Variants in SHC3 observed in about 807,000 individuals in gnomAD.
SHC3 encodes SHC-transforming protein 3.
A neutral mutation model predicts 60.4 loss-of-function variants in SHC3; 15 were observed. The ratio of observed to expected loss-of-function variants is 0.25; its 90% CI spans 0.17 to 0.38. The LOEUF is 0.38. SHC3 is among the 10% of genes least tolerant of loss of function. SHC3 has a pLI of 1.00. For synonymous variants in SHC3, 294 were observed against 325.9 expected (o/e 0.90, Z 1.05); for missense variants, 677 against 786.1 (o/e 0.86, Z 1.66).
intron 2 of SHC3, among the ~76,000 whole-genome samples, chr9:89,097,017 A>C (rs1199140786): frequency 3.3e-5 from 5 of 150,240 alleles, no homozygotes; most frequent in Non-Finnish European, 5.9e-5. Context: ...CGCTGCAGAC[A>C]CCAGGTCAGG....
chr9:89,156,630 C>T (rs1826627553), intron 1 of SHC3, among the ~76,000 whole-genome samples: 1 of 152,130 alleles, frequency 6.6e-6, no homozygotes. Flanking sequence ...CCTGTAAAAA[C>T]CAAAGACAAC....
intron 6 of SHC3, among the ~76,000 whole-genome samples, chr9:89,054,750 T>G (rs1164393395): frequency 1.3e-5 from 2 of 152,228 alleles, no homozygotes; most frequent in Non-Finnish European, 1.5e-5. Context: ...CATAGCTCAA[T>G]GTAAACAAGG....
intron 11 of SHC3, among the ~76,000 whole-genome samples, chr9:89,022,202 A>G (rs1224732418): frequency 6.6e-6 from 1 of 151,980 alleles, no homozygotes; most frequent in Non-Finnish European, 1.5e-5. Context: ...AGCCTCGGGC[A>G]CTATTTAAAC....
At chr9:89,153,673 G>A (rs1045203446) in intron 1 of SHC3, among the ~76,000 whole-genome samples, 1 of 152,232 alleles carries the variant, frequency 6.6e-6, no homozygotes, top group Non-Finnish European at 1.5e-5. Context: ...CAAGAACGGT[G>A]CCACGACATC....
At chr9:89,068,240 G>C (rs1211577959) in intron 5 of SHC3, among the ~76,000 whole-genome samples, 1 of 152,170 alleles carries the variant, frequency 6.6e-6, no homozygotes, top group African/African-American at 2.4e-5. Flanking sequence ...TGGCATTTTT[G>C]TGGTGGTCTT....
At position 89,101,505 on chromosome 9, in the gene SHC3, G is replaced by T. The variant is rs557375443; in HGVS notation, c.545+11051C>A. Among the ~76,000 whole-genome samples, 8 of 152,058 alleles carry T rather than the reference G, an allele frequency of 5.3e-5. No individual in the cohort carries two copies. The South Asian group carries it at 1.7e-3, about 32-fold the overall frequency. ...ATTTTTAGTGGATGCCCTGTTATCA[G>T]ATTGAGGAACTTTCCTTCTATTCCT... On this transcript the variant is annotated intron_variant, in intron 2 of 11. Coordinates refer to ENST00000375835, the MANE Select transcript of SHC3 (RefSeq NM_016848.6).
chr9:89,031,475 C>G (rs1824491462), intron 11 of SHC3, among the ~76,000 whole-genome samples: 1 of 152,200 alleles, frequency 6.6e-6, no homozygotes, highest in African/African-American at 2.4e-5. Context: ...CTGAACTTTA[C>G]TATGAATAGA....
At chr9:89,074,589 C>G (rs986580595) in intron 4 of SHC3, among the ~76,000 whole-genome samples, 1 of 151,158 alleles carries the variant, frequency 6.6e-6, no homozygotes, top group African/African-American at 2.4e-5. Flanking sequence ...TCAGTCAGCT[C>G]CAAATTCATT....
chr9:89,142,286 G>A (rs978149441), intron 1 of SHC3, among the ~76,000 whole-genome samples: 19 of 152,148 alleles, frequency 1.2e-4, no homozygotes, highest in Admixed American at 1.2e-3. Context: ...AAGGCTGGGT[G>A]CGATGGCTTG....
rs564302926 is a variant in SHC3, at chr9:89,053,322, C to T, written c.836-1159G>A. Among the ~76,000 whole-genome samples the T allele has an allele frequency of 2.0e-5, 3 of 152,318 alleles. No individual in the cohort carries two copies. In the East Asian group the frequency reaches 5.8e-4, roughly 29 times the overall value. ...TGCATTTCTTCATGAGTTGTTGTTC[C>T]CCAGCCCTGGCAGTGATTAGGGAGA... On this transcript the variant is annotated intron_variant, in intron 6 of 11. Coordinates refer to ENST00000375835, the MANE Select transcript of SHC3 (RefSeq NM_016848.6).
At chr9:89,115,214 C>T (rs77316326) in intron 1 of SHC3, among the ~76,000 whole-genome samples, 2,032 of 152,210 alleles carry the variant, frequency 0.013, 20 homozygotes, top group South Asian at 0.034. Context: ...GTCAATGCCA[C>T]CACTGATAAC....
chr9:89,135,128 A>G (rs1826300218), intron 1 of SHC3, among the ~76,000 whole-genome samples: 1 of 152,124 alleles, frequency 6.6e-6, no homozygotes, highest in African/African-American at 2.4e-5. Context: ...TGTAACAGGA[A>G]ACAATTAGAG....
chr9:89,112,760 G>T, intron 1 of SHC3, 134 bp from the exon 2 acceptor site: 2 of 680,980 alleles, frequency 2.9e-6, no homozygotes, highest in Admixed American at 4.2e-5. Context: ...CTAGGGTGAG[G>T]CTTTGTTTTG....
At chr9:89,083,765 CTT>C (rs1825484124) in intron 2 of SHC3, among the ~76,000 whole-genome samples, 1 of 152,176 alleles carries the variant, frequency 6.6e-6, no homozygotes. Context: ...CGGCCTCTCT[CTT>C]TTTCTCATGG....
At chr9:89,170,164 T>G (rs572778420) in intron 1 of SHC3, among the ~76,000 whole-genome samples, 2 of 152,214 alleles carry the variant, frequency 1.3e-5, no homozygotes, top group East Asian at 3.9e-4. Context: ...TCCTGGGTGG[T>G]GAGGGGCTCC....
chr9:89,039,475 C>G (rs12341224), intron 10 of SHC3, among the ~76,000 whole-genome samples: 1 of 151,984 alleles, frequency 6.6e-6, no homozygotes, highest in Non-Finnish European at 1.5e-5. Context: ...TTCCTGATTA[C>G]CTGGAATTGT....
rs7022911 is a variant in SHC3 at position 89,046,831 on chromosome 9, C to G, written c.1113+13G>C. ...CTCCATTCCTTATATAAGAAAAAAA[C>G]TATAAGACTTACCTGGGCTGTGTCA... On this transcript the variant is annotated intron_variant, in intron 8 of 11. Transcript: ENST00000375835. 0.35 allele frequency: 544,691 copies of G among 1,542,018 alleles called. 103,521 individuals are homozygous for G. Among genetic ancestry groups the G allele is most frequent in the African/African-American group, 0.64 (46,074 of 71,902 alleles).
chr9:89,047,371 G>T (rs905665330), intron 7 of SHC3, among the ~76,000 whole-genome samples: 7 of 152,118 alleles, frequency 4.6e-5, no homozygotes, highest in African/African-American at 1.7e-4. Flanking sequence ...GAGGGAAAAT[G>T]GTAGAATATG....
In SHC3 at chr9:89,075,092, T is replaced by C; in HGVS notation, c.729+17A>G. On this transcript the variant is annotated intron_variant, in intron 4 of 11. Transcript: ENST00000375835. ...TGGGGCTGTGGGCAGGGACAGGGGA[T>C]CTGAGCACCCATGTACCTGTTTGGA... is the stretch of plus-strand genomic sequence containing the variant. The C allele has an allele frequency of 1.2e-6, 2 of 1,612,632 alleles. No homozygotes were observed. Among genetic ancestry groups the C allele is most frequent in the African/African-American group, 2.7e-5 (2 of 74,988 alleles).
Sources: allele counts gnomAD v4.1 joint callset (sites outside exome capture counted in the v4.1 genomes callset), GRCh38; gene constraint gnomAD v4.1.1; transcripts MANE v1.5; gene names NCBI Gene and HGNC (gene_info 2026-07-23, HGNC 2026-07-21).